The following NEK6 variants were observed in gnomAD, a reference collection of about 807,000 sequenced individuals.
NEK6 encodes NIMA related kinase 6, also known as serine/threonine-protein kinase Nek6.
In NEK6, 27 loss-of-function variants were observed where a neutral mutation model predicts 43.5. The observed-to-expected ratio is 0.62, with a 90% CI of 0.46 to 0.86. The LOEUF (loss-of-function observed/expected upper bound fraction) is 0.86, where lower values mean the gene tolerates loss of function less well. Among genes scored for constraint, NEK6 ranks in the 40% least tolerant of loss-of-function variants. The pLI, the probability that NEK6 is intolerant of heterozygous loss-of-function variation, is 0.00. For missense variants in NEK6, 318 were observed against 414.4 expected (o/e 0.77, Z 2.02); for synonymous variants, 167 against 164.1 (o/e 1.02, Z -0.14).
rs1483403466 is a variant in NEK6, at chr9:124,336,835, T to G, written c.623-2736T>G. Among the ~76,000 whole-genome samples the G allele has an allele frequency of 1.3e-4, 19 of 151,986 alleles. No homozygotes were observed. The East Asian group carries it at 3.7e-3, about 29-fold the overall frequency. ...ACCAGCCTGGCCAACATGGTGAAAC[T>G]CCGTCTCTACTAAAAATATAAAAAT... On this transcript the variant is annotated intron_variant, in intron 7 of 9. Transcript: ENST00000320246.
chr9:124,333,773 C>CTTT lies in NEK6; in HGVS notation c.623-5778_623-5776dup, dbSNP rs148074227. On this transcript the variant is annotated intron_variant, in intron 7 of 9. Coordinates refer to ENST00000320246, the MANE Select transcript of NEK6 (RefSeq NM_014397.6). ...AGCTGCAGCATGGATCATTTCAGTC[C>CTTT]TTTTTTTTTTTTTTTTTTTTTTGAG... is the stretch of plus-strand genomic sequence containing the variant. Among the ~76,000 whole-genome samples, 425 of 119,970 alleles carry CTTT rather than the reference C, an allele frequency of 3.5e-3. 6 individuals carry two copies. Among genetic ancestry groups the CTTT allele is most frequent in the African/African-American group, 0.012 (371 of 32,016 alleles). The allele number at this position is 119,970 out of a possible 152,430, so 78.7% of individuals were successfully genotyped here.
intron 1 of NEK6, chr9:124,261,683 A>G: frequency 2.7e-6 from 2 of 750,756 alleles, no homozygotes; most frequent in Non-Finnish European, 3.2e-6. Flanking sequence ...CTTGAAATGA[A>G]TGTTGTGTGT....
chr9:124,316,791 T>C (rs1833836149), intron 4 of NEK6, among the ~76,000 whole-genome samples: 1 of 152,200 alleles, frequency 6.6e-6, no homozygotes, highest in African/African-American at 2.4e-5. Flanking sequence ...CTTAACCCCC[T>C]GCCCTCAGAC....
At chr9:124,293,824 T>C (rs1444916808) in intron 1 of NEK6, among the ~76,000 whole-genome samples, 1 of 152,258 alleles carries the variant, frequency 6.6e-6, no homozygotes, top group Non-Finnish European at 1.5e-5. Context: ...CCTTAAAGGC[T>C]GGCAGAGGAG....
In NEK6 at chr9:124,325,409, A is replaced by C. The variant is rs187047511; in HGVS notation, c.406-921A>C. 3.9e-5 allele frequency among the ~76,000 whole-genome samples: 6 copies of C among 152,202 alleles called. No homozygotes were observed. The East Asian group carries it at 9.6e-4, about 24-fold the overall frequency. On this transcript the variant is annotated intron_variant, in intron 5 of 9. Transcript: ENST00000320246. ...CTTTCCAGGCCAGTGTGTCCTGGTC[A>C]GTTCCCAGCTTCCCAGCACCAGAGC...
At chr9:124,293,086 C>T in intron 1 of NEK6, 1 of 1,376,126 alleles carries the variant, frequency 7.3e-7, no homozygotes. Flanking sequence ...CCTGGGACTC[C>T]TAGAGTGAGA....
intron 1 of NEK6, among the ~76,000 whole-genome samples, chr9:124,274,022 C>T (rs940506846): frequency 2.0e-5 from 3 of 152,202 alleles, no homozygotes; most frequent in Non-Finnish European, 2.9e-5. Context: ...ATGGAATTAC[C>T]GCCATCACTT....
Position 124,329,110 on chromosome 9 carries a change from C to T in NEK6, c.622+1665C>T, listed in dbSNP as rs577359990. Reference sequence around the variant, plus strand: ...CCTCGGCAGATACCGTTGGAGTCCCCCTTTGGGGACCCGGGCCACTGACTC... The same window carrying T: ...CCTCGGCAGATACCGTTGGAGTCCCTCTTTGGGGACCCGGGCCACTGACTC... On this transcript the variant is annotated intron_variant, in intron 7 of 9. Coordinates refer to ENST00000320246, the MANE Select transcript of NEK6 (RefSeq NM_014397.6). 4.6e-4 allele frequency among the ~76,000 whole-genome samples: 70 copies of T among 152,352 alleles called. 3 individuals carry two copies. The highest frequency in any genetic ancestry group is 3.4e-3 in the Middle Eastern group (1 of 294).
In NEK6 at chr9:124,352,485, T is replaced by TA. The variant is rs1211253368; in HGVS notation, c.*1541dup. 11 of 152,246 alleles carry TA rather than the reference T, an allele frequency of 7.2e-5. No individual in the cohort carries two copies. In the East Asian group the frequency reaches 9.6e-4, roughly 13 times the overall value. The allele number at this position is 152,246 out of a possible 1,614,324, so 9.4% of individuals were successfully genotyped here. On this transcript the variant is annotated 3_prime_UTR_variant, in exon 10 of 10. Transcript: ENST00000320246. ...CTTTTAAACCAGTAGATTCAAAACT[T>TA]AAACAGCGTCTGCAGCACAATTTCT...
At chr9:124,320,350 GGAAT>G (rs1275986312) in intron 4 of NEK6, among the ~76,000 whole-genome samples, 1 of 152,330 alleles carries the variant, frequency 6.6e-6, no homozygotes, top group Admixed American at 6.5e-5. Context: ...GCTGGCTTGG[GGAAT>G]GAATGAATGA....
intron 8 of NEK6, among the ~76,000 whole-genome samples, chr9:124,346,428 C>T (rs113107390): frequency 0.033 from 4,974 of 152,256 alleles, 279 homozygotes; most frequent in African/African-American, 0.11. Context: ...CGAGGACAAG[C>T]GACGGTTCCC....
chr9:124,327,995 G>A (rs1280274425), intron 7 of NEK6, among the ~76,000 whole-genome samples: 2 of 152,168 alleles, frequency 1.3e-5, no homozygotes, highest in African/African-American at 4.8e-5. Flanking sequence ...GCTGAGCTTG[G>A]CTTTGCCACA....
At chr9:124,262,614 C>T (rs1208565982) in intron 1 of NEK6, among the ~76,000 whole-genome samples, 1 of 152,188 alleles carries the variant, frequency 6.6e-6, no homozygotes, top group Non-Finnish European at 1.5e-5. Context: ...CCCACCAGAC[C>T]TGACTGGCCA....
intron 1 of NEK6, chr9:124,292,463 G>A: frequency 6.5e-7 from 1 of 1,537,002 alleles, no homozygotes; most frequent in Non-Finnish European, 8.7e-7. Context: ...AGAAAATTAG[G>A]GGAGGCCACG....
intron 2 of NEK6, among the ~76,000 whole-genome samples, chr9:124,307,898 A>G (rs1833337865): frequency 6.6e-6 from 1 of 152,166 alleles, no homozygotes; most frequent in Non-Finnish European, 1.5e-5. Flanking sequence ...TGATATCAAC[A>G]GCCAAGAACC....
At chr9:124,344,026 G>A (rs1423073690) in intron 8 of NEK6, among the ~76,000 whole-genome samples, 2 of 152,176 alleles carry the variant, frequency 1.3e-5, no homozygotes, top group African/African-American at 4.8e-5. Context: ...TGGACGTTCT[G>A]GGGGCGAATC....
chr9:124,309,859 A>C (rs149433392), intron 2 of NEK6, among the ~76,000 whole-genome samples: 162 of 152,290 alleles, frequency 1.1e-3, no homozygotes, highest in African/African-American at 3.5e-3. Context: ...GGCACATTCC[A>C]TGTGTCATTC....
At chr9:124,295,805 G>A (rs62583809) in intron 1 of NEK6, among the ~76,000 whole-genome samples, 5 of 152,160 alleles carry the variant, frequency 3.3e-5, no homozygotes, top group Non-Finnish European at 4.4e-5. Context: ...CTGGGCTTGC[G>A]CTGAGTTTCT....
At chr9:124,338,395 C>T (rs1369798186) in intron 7 of NEK6, among the ~76,000 whole-genome samples, 2 of 152,194 alleles carry the variant, frequency 1.3e-5, no homozygotes, top group African/African-American at 4.8e-5. Flanking sequence ...GGCTTTTGCT[C>T]ATTTGAATAA....
Sources: allele counts gnomAD v4.1 joint callset (sites outside exome capture counted in the v4.1 genomes callset), GRCh38; gene constraint gnomAD v4.1.1; transcripts MANE v1.5; gene names NCBI Gene and HGNC (gene_info 2026-07-23, HGNC 2026-07-21).